SGCZ: variants seen among roughly 807,000 people sequenced by gnomAD.
SGCZ encodes the protein sarcoglycan zeta.
In SGCZ, 40 loss-of-function variants were observed where a neutral mutation model predicts 41.3. The observed-to-expected ratio is 0.97, with a 90% CI of 0.75 to 1.26. The LOEUF (loss-of-function observed/expected upper bound fraction) is 1.26. SGCZ is among the 50% of genes most tolerant of loss of function. The pLI, the probability that SGCZ is intolerant of heterozygous loss-of-function variation, is 0.00. For synonymous variants in SGCZ, 206 were observed against 137.5 expected (o/e 1.50, Z -3.49); for missense variants, 552 against 369.8 (o/e 1.49, Z -4.04).
chr8:15,024,919 G>C (rs964817725), intron 1 of SGCZ, among the ~76,000 whole-genome samples: 4 of 148,392 alleles, frequency 2.7e-5, no homozygotes, highest in African/African-American at 7.4e-5. Flanking sequence ...CTGGGCGACA[G>C]AGTGAGACTC....
intron 1 of SGCZ, among the ~76,000 whole-genome samples, chr8:15,212,489 T>G (rs1801264653): frequency 6.6e-6 from 1 of 152,126 alleles, no homozygotes; most frequent in Admixed American, 6.6e-5. Flanking sequence ...TAAAATAACT[T>G]GGGGAATTAT....
intron 1 of SGCZ, among the ~76,000 whole-genome samples, chr8:14,653,769 ATC>A (rs1293670137): frequency 2.0e-5 from 3 of 152,048 alleles, no homozygotes. Flanking sequence ...ATGCTAGAAA[ATC>A]TCTATCCAAA....
chr8:14,300,990 A>G (rs920826319), intron 3 of SGCZ, among the ~76,000 whole-genome samples: 12 of 151,904 alleles, frequency 7.9e-5, no homozygotes, highest in Non-Finnish European at 1.8e-4. Flanking sequence ...TATAGCCAGA[A>G]AGCTCGTATA....
chr8:14,866,534 G>A (rs374140314), intron 1 of SGCZ, among the ~76,000 whole-genome samples: 93 of 152,190 alleles, frequency 6.1e-4, no homozygotes, highest in African/African-American at 2.1e-3. Flanking sequence ...CTTGGGCTGG[G>A]CACAGTGACT....
chr8:14,559,618 TTTTTG>T (rs1182542197), intron 1 of SGCZ, among the ~76,000 whole-genome samples: 1 of 152,006 alleles, frequency 6.6e-6, no homozygotes, highest in East Asian at 1.9e-4. Context: ...GTTTTCCATC[TTTTTG>T]TTTTAATTTC....
Position 14,551,516 on chromosome 8 carries a change from T to TTA in SGCZ, c.234+3214_234+3215dup, listed in dbSNP as rs1491285259. On this transcript the variant is annotated intron_variant, in intron 2 of 7. Coordinates refer to ENST00000382080, the MANE Select transcript of SGCZ (RefSeq NM_139167.4). ...ATATATATTATATATATTATATATA[T>TTA]TATATATAATATATATAATATATAT... Among the ~76,000 whole-genome samples the TTA allele has an allele frequency of 1.8e-3, 18 of 10,186 alleles. 2 individuals are homozygous for TTA. The East Asian group carries it at 0.019, about 10-fold the overall frequency. The allele number at this position is 10,186 out of a possible 152,430, so 6.7% of individuals were successfully genotyped here.
intron 1 of SGCZ, among the ~76,000 whole-genome samples, chr8:14,866,321 C>T (rs1280019311): frequency 2.0e-5 from 3 of 152,010 alleles, no homozygotes; most frequent in Non-Finnish European, 4.4e-5. Context: ...AATGGAATTG[C>T]TACTACAGAT....
intron 1 of SGCZ, among the ~76,000 whole-genome samples, chr8:15,059,594 T>C (rs1235583234): frequency 6.6e-6 from 1 of 152,224 alleles, no homozygotes; most frequent in Non-Finnish European, 1.5e-5. Context: ...AATCATTACT[T>C]GAAATTGAAA....
intron 5 of SGCZ, among the ~76,000 whole-genome samples, chr8:14,139,874 C>T (rs892791067): frequency 1.3e-5 from 2 of 152,044 alleles, no homozygotes; most frequent in Non-Finnish European, 2.9e-5. Context: ...CTGGCAGAGA[C>T]ACAACAAAAA....
intron 2 of SGCZ, among the ~76,000 whole-genome samples, chr8:14,458,416 A>T (rs1800810141): frequency 6.6e-6 from 1 of 152,170 alleles, no homozygotes; most frequent in Non-Finnish European, 1.5e-5. Flanking sequence ...GGTTATGCGT[A>T]GGTGATGCTG....
intron 1 of SGCZ, among the ~76,000 whole-genome samples, chr8:14,645,151 T>C (rs923770687): frequency 2.0e-5 from 3 of 151,562 alleles, no homozygotes; most frequent in African/African-American, 7.3e-5. Context: ...GTACCTGAAA[T>C]TTCAACTTAA....
Position 14,558,939 on chromosome 8 carries a change from AT to A in SGCZ, c.40-4014del, listed in dbSNP as rs139030948. On this transcript the variant is annotated intron_variant, in intron 1 of 7. Coordinates refer to ENST00000382080, the MANE Select transcript of SGCZ (RefSeq NM_139167.4). ...CTGACAAAATTAGCATCCCTTTATG[AT>A]TAAAACCCTCAACAAAACTGGCACA... Among the ~76,000 whole-genome samples, 439 of 152,200 alleles carry A rather than the reference AT, an allele frequency of 2.9e-3. 5 individuals carry two copies. The highest frequency in any genetic ancestry group is 9.5e-3 in the African/African-American group (395 of 41,532).
chr8:14,426,403 T>G (rs573115699), intron 2 of SGCZ, among the ~76,000 whole-genome samples: 127 of 151,908 alleles, frequency 8.4e-4, no homozygotes, highest in African/African-American at 3.0e-3. Flanking sequence ...GTTACTGATC[T>G]TCATAAAAAA....
At chr8:14,729,221 AAGT>A (rs1810154143) in intron 1 of SGCZ, among the ~76,000 whole-genome samples, 3 of 152,156 alleles carry the variant, frequency 2.0e-5, no homozygotes, top group African/African-American at 7.2e-5. Flanking sequence ...CCAATGCATG[AAGT>A]AACCATGCCC....
Position 14,405,820 on chromosome 8 carries a change from A to C in SGCZ, c.235-81616T>G, listed in dbSNP as rs76940759. On this transcript the variant is annotated intron_variant, in intron 2 of 7. Coordinates refer to ENST00000382080, the MANE Select transcript of SGCZ (RefSeq NM_139167.4). ...CAAATTAGTTGTTTATAAATACATT[A>C]GAACATTTCGGCATTATCATTAGAA... Among the ~76,000 whole-genome samples, 44 of 152,332 alleles carry C rather than the reference A, an allele frequency of 2.9e-4. 1 individual carries two copies. In the East Asian group the frequency reaches 7.9e-3, roughly 27 times the overall value.
At chr8:14,233,586 T>C (rs1806648926) in intron 4 of SGCZ, among the ~76,000 whole-genome samples, 1 of 113,608 alleles carries the variant, frequency 8.8e-6, no homozygotes, top group East Asian at 2.5e-4. Context: ...TTTTATTCTA[T>C]ATAAAATATA....
chr8:14,579,159 T>C (rs1804806734), intron 1 of SGCZ, among the ~76,000 whole-genome samples: 1 of 152,182 alleles, frequency 6.6e-6, no homozygotes, highest in South Asian at 2.1e-4. Context: ...CCATTTCTCA[T>C]TTTTTATTTA....
At chr8:15,173,157 C>A (rs1340074016) in intron 1 of SGCZ, among the ~76,000 whole-genome samples, 1 of 152,174 alleles carries the variant, frequency 6.6e-6, no homozygotes, top group Non-Finnish European at 1.5e-5. Context: ...GCCTGACTTA[C>A]TATTTGTGTG....
intron 1 of SGCZ, among the ~76,000 whole-genome samples, chr8:14,920,048 G>A (rs1207268992): frequency 6.6e-6 from 1 of 152,064 alleles, no homozygotes. Context: ...CTAAAAATAA[G>A]GAAACTAATG....
Sources: allele counts gnomAD v4.1 joint callset (sites outside exome capture counted in the v4.1 genomes callset), GRCh38; gene constraint gnomAD v4.1.1; transcripts MANE v1.5; gene names NCBI Gene and HGNC (gene_info 2026-07-23, HGNC 2026-07-21).